The following OLFM3 variants were observed in gnomAD, a reference collection of about 807,000 sequenced individuals.
OLFM3 encodes the protein noelin-3.
OLFM3 carries 20 observed loss-of-function variants against 48.6 expected under a neutral mutation model. That is an observed-to-expected ratio of 0.41 (90% CI 0.29 to 0.60). OLFM3 has a LOEUF of 0.60. OLFM3 is among the 20% of genes least tolerant of loss of function. The probability of loss-of-function intolerance (pLI) is 0.28; values close to 1 mark genes in which losing one functional copy is unlikely to be tolerated. For missense variants in OLFM3, 437 were observed against 544.3 expected, an observed-to-expected ratio of 0.80 and a Z score of 1.96; for synonymous variants, 222 against 198.1, an observed-to-expected ratio of 1.12 and a Z score of -1.01.
chr1:101,825,068 G>A lies in OLFM3; in HGVS notation c.550C>T (p.Leu184=), dbSNP rs376426977. Residue 184 remains leucine, a synonymous_variant, in exon 4 of 6, where the codon CTG becomes TTG. Transcript: ENST00000370103. ...YDYEELHQRV[L]SLETRLRDCM... ...TCACGAAGTCTTGTTTCCAAGCTCA[G>A]CACTCTTTGGTGTAGTTCCTCGTAG... 1 of 1,613,994 alleles carries A rather than the reference G, an allele frequency of 6.2e-7. No individual in the cohort carries two copies. The highest frequency in any genetic ancestry group is 1.3e-5 in the African/African-American group (1 of 74,910).
intron 1 of OLFM3, among the ~76,000 whole-genome samples, chr1:101,878,936 A>T (rs1263466944): frequency 1.3e-5 from 2 of 151,872 alleles, no homozygotes; most frequent in Non-Finnish European, 2.9e-5. Context: ...AAATCATATG[A>T]GCTGCAAAAT....
rs540039288 is a variant in OLFM3, at chr1:101,867,611, C to T, written c.70-30586G>A. 5.3e-5 allele frequency among the ~76,000 whole-genome samples: 8 copies of T among 152,274 alleles called. 1 individual carries two copies. In the South Asian group the frequency reaches 1.0e-3, roughly 20 times the overall value. On this transcript the variant is annotated intron_variant, in intron 1 of 5. Coordinates refer to ENST00000370103, the MANE Select transcript of OLFM3 (RefSeq NM_058170.4). ...ATCCCATTAGGTCAGAATAACTCAGCGATGAAGACCTTGTACTCCACGATT... is the reference window on the plus strand; with the variant it reads ...ATCCCATTAGGTCAGAATAACTCAGTGATGAAGACCTTGTACTCCACGATT...
At chr1:101,948,894 T>C (rs1387107115) in intron 1 of OLFM3, among the ~76,000 whole-genome samples, 1 of 148,248 alleles carries the variant, frequency 6.7e-6, no homozygotes, top group African/African-American at 2.4e-5. Context: ...TATAGATATA[T>C]ATTTTATGCT....
intron 1 of OLFM3, among the ~76,000 whole-genome samples, chr1:101,904,267 G>A (rs1658485276): frequency 6.6e-6 from 1 of 152,028 alleles, no homozygotes; most frequent in African/African-American, 2.4e-5. Flanking sequence ...AGATGGGAGA[G>A]GATATGGTCA....
intron 1 of OLFM3, among the ~76,000 whole-genome samples, chr1:101,948,060 T>A (rs1456912910): frequency 6.6e-6 from 1 of 152,102 alleles, no homozygotes; most frequent in East Asian, 1.9e-4. Context: ...AAAAGATAAC[T>A]GGTCTAAAGA....
intron 1 of OLFM3, among the ~76,000 whole-genome samples, chr1:101,991,016 A>AATATATATATATATAT (rs1215588189): frequency 1.6e-4 from 5 of 32,218 alleles, no homozygotes; most frequent in African/African-American, 5.2e-4. Flanking sequence ...AAAAAAAAAA[A>AATATATATATATATAT]ATATATATAT....
intron 1 of OLFM3, among the ~76,000 whole-genome samples, chr1:101,847,234 G>C (rs1656043582): frequency 6.6e-6 from 1 of 152,134 alleles, no homozygotes; most frequent in African/African-American, 2.4e-5. Flanking sequence ...GTAATTATCA[G>C]AGAGCAGAGG....
intron 1 of OLFM3, among the ~76,000 whole-genome samples, chr1:101,937,922 C>T (rs1659672587): frequency 6.6e-6 from 1 of 152,096 alleles, no homozygotes; most frequent in African/African-American, 2.4e-5. Flanking sequence ...TTGGTTGTTT[C>T]TGCCCACTAG....
At chr1:101,932,436 G>A (rs143352471) in intron 1 of OLFM3, among the ~76,000 whole-genome samples, 317 of 152,314 alleles carry the variant, frequency 2.1e-3, no homozygotes, top group African/African-American at 7.4e-3. Flanking sequence ...GGCATTGAGG[G>A]TGGATAGAGG....
chr1:101,915,299 A>T (rs965409464), intron 1 of OLFM3, among the ~76,000 whole-genome samples: 1 of 152,082 alleles, frequency 6.6e-6, no homozygotes, highest in Non-Finnish European at 1.5e-5. Flanking sequence ...AATAATATAC[A>T]CTTCTGCTTT....
intron 1 of OLFM3, chr1:101,847,064 A>G (rs1656032710): frequency 6.7e-7 from 1 of 1,490,586 alleles, no homozygotes. Flanking sequence ...CGCCACATCT[A>G]CAGCATGAAA....
chr1:101,851,301 A>G (rs1557702467), intron 1 of OLFM3, among the ~76,000 whole-genome samples: 1 of 152,192 alleles, frequency 6.6e-6, no homozygotes, highest in Non-Finnish European at 1.5e-5. Context: ...TGTAAAATGA[A>G]GATAGAAGCA....
intron 1 of OLFM3, among the ~76,000 whole-genome samples, chr1:101,894,335 C>G (rs1658114668): frequency 6.6e-6 from 1 of 151,968 alleles, no homozygotes; most frequent in Non-Finnish European, 1.5e-5. Flanking sequence ...ACAAAGTGCT[C>G]TATTAGTGAG....
intron 1 of OLFM3, among the ~76,000 whole-genome samples, chr1:101,963,771 T>C (rs549107130): frequency 1.3e-5 from 2 of 152,270 alleles, no homozygotes; most frequent in East Asian, 3.9e-4. Context: ...ATTCCTCATA[T>C]GGGACTGGAA....
intron 1 of OLFM3, among the ~76,000 whole-genome samples, chr1:101,905,964 C>T (rs1658537081): frequency 6.6e-6 from 1 of 152,154 alleles, no homozygotes; most frequent in Non-Finnish European, 1.5e-5. Flanking sequence ...GGTTAAATCA[C>T]TAGCAATCAG....
chr1:101,918,070 C>T (rs1428647393), intron 1 of OLFM3, among the ~76,000 whole-genome samples: 1 of 152,076 alleles, frequency 6.6e-6, no homozygotes, highest in Non-Finnish European at 1.5e-5. Context: ...CTGGTTTTGA[C>T]ATAATACTTC....
chr1:101,988,101 A>T (rs1327167482), intron 1 of OLFM3, among the ~76,000 whole-genome samples: 3 of 152,104 alleles, frequency 2.0e-5, no homozygotes, highest in Admixed American at 1.3e-4. Flanking sequence ...GTATATACTA[A>T]GATAATAATT....
At chr1:101,829,841 C>CT (rs58880163) in intron 3 of OLFM3, among the ~76,000 whole-genome samples, 7,390 of 148,574 alleles carry the variant, frequency 0.05, 213 homozygotes, top group African/African-American at 0.074. Context: ...TTTTTCTTTT[C>CT]TTTTTTTTTT....
chr1:101,927,348 A>C (rs1998980), intron 1 of OLFM3, among the ~76,000 whole-genome samples: 74,911 of 151,898 alleles, frequency 0.49, 19,026 homozygotes, highest in East Asian at 0.64. Flanking sequence ...TATCATTCTT[A>C]AAAAAATAAT....
Sources: allele counts gnomAD v4.1 joint callset (sites outside exome capture counted in the v4.1 genomes callset), GRCh38; gene constraint gnomAD v4.1.1; transcripts MANE v1.5; gene names NCBI Gene and HGNC (gene_info 2026-07-23, HGNC 2026-07-21).